Variants in SORCS1 observed in about 807,000 individuals in gnomAD.
The protein encoded by SORCS1 is sortilin related VPS10 domain containing receptor 1, also known as VPS10 domain-containing receptor SorCS1.
Under a neutral mutation model 146.1 loss-of-function variants are expected in SORCS1, and 60 were observed. The ratio of observed to expected loss-of-function variants is 0.41; its 90% confidence interval spans 0.33 to 0.51. SORCS1 has a LOEUF of 0.51. SORCS1 is among the 20% of genes least tolerant of loss of function. The probability of loss-of-function intolerance (pLI) is 0.21; values close to 1 mark genes in which losing one functional copy is unlikely to be tolerated. For missense variants in SORCS1, 1,352 were observed against 1,487.6 expected (o/e 0.91, Z 1.50); for synonymous variants, 637 against 584.0 (o/e 1.09, Z -1.31).
chr10:106,951,854 C>G (rs906512591), intron 2 of SORCS1, among the ~76,000 whole-genome samples: 1 of 152,088 alleles, frequency 6.6e-6, no homozygotes, highest in Non-Finnish European at 1.5e-5. Context: ...GTTTTCTGAG[C>G]ATAAAGTACT....
intron 2 of SORCS1, among the ~76,000 whole-genome samples, chr10:106,879,742 C>T (rs932622557): frequency 3.9e-5 from 6 of 152,306 alleles, no homozygotes; most frequent in African/African-American, 1.4e-4. Flanking sequence ...GAGCAGAGAA[C>T]AAGCCTTAGC....
intron 2 of SORCS1, among the ~76,000 whole-genome samples, chr10:106,928,663 C>A (rs2138553468): frequency 6.6e-6 from 1 of 152,300 alleles, no homozygotes; most frequent in African/African-American, 2.4e-5. Flanking sequence ...CTCTCAATAC[C>A]CCACAGAAGC....
At chr10:107,078,437 A>G (rs928899129) in intron 1 of SORCS1, among the ~76,000 whole-genome samples, 2 of 152,234 alleles carry the variant, frequency 1.3e-5, no homozygotes, top group Non-Finnish European at 1.5e-5. Context: ...TGGACACTCA[A>G]TTATAGGATC....
chr10:106,972,367 C>T (rs185273942), intron 1 of SORCS1, among the ~76,000 whole-genome samples: 1,995 of 137,958 alleles, frequency 0.014, 42 homozygotes, highest in African/African-American at 0.051. Flanking sequence ...GGTGACAGAG[C>T]GAGACTCTGT....
intron 1 of SORCS1, among the ~76,000 whole-genome samples, chr10:107,061,320 A>C (rs1468285598): frequency 6.6e-6 from 1 of 152,206 alleles, no homozygotes; most frequent in Non-Finnish European, 1.5e-5. Flanking sequence ...GTATGGTATC[A>C]TAACAAAAAA....
chr10:106,843,429 C>CTTTTTTTTTTTTTTT, intron 2 of SORCS1, among the ~76,000 whole-genome samples: 1 of 116,804 alleles, frequency 8.6e-6, no homozygotes, highest in Non-Finnish European at 1.6e-5. Context: ...GCAGGATTTC[C>CTTTTTTTTTTTTTTT]TTTTTTTTTT....
chr10:106,681,620 G>A (rs1264590246), intron 10 of SORCS1, among the ~76,000 whole-genome samples: 7 of 152,130 alleles, frequency 4.6e-5, no homozygotes, highest in Non-Finnish European at 8.8e-5. Flanking sequence ...CATCTGTATG[G>A]CATTCCAAGA....
intron 14 of SORCS1, among the ~76,000 whole-genome samples, 170 bp from the exon 15 acceptor site, chr10:106,673,155 C>CA (rs1383878813): frequency 2.2e-5 from 3 of 138,694 alleles, no homozygotes; most frequent in African/African-American, 5.5e-5. Flanking sequence ...TTTTTTGAGA[C>CA]AGAGTCTCGC....
intron 1 of SORCS1, among the ~76,000 whole-genome samples, chr10:106,958,791 G>A (rs533195131): frequency 6.6e-6 from 1 of 152,286 alleles, no homozygotes; most frequent in South Asian, 2.1e-4. Flanking sequence ...TGCCAATTAA[G>A]TCGCTCTCAG....
chr10:106,990,780 T>C (rs376891286), intron 1 of SORCS1, among the ~76,000 whole-genome samples: 2 of 152,194 alleles, frequency 1.3e-5, no homozygotes, highest in African/African-American at 2.4e-5. Flanking sequence ...TTCTGAAAAA[T>C]TGTGAGTACA....
At chr10:106,610,903 A>T (rs1164170782) in intron 22 of SORCS1, among the ~76,000 whole-genome samples, 1 of 152,032 alleles carries the variant, frequency 6.6e-6, no homozygotes, top group African/African-American at 2.4e-5. Flanking sequence ...ACATGGTGAC[A>T]CCCGTCTCTA....
chr10:107,101,187 T>A (rs1465670462), intron 1 of SORCS1, among the ~76,000 whole-genome samples: 2 of 152,134 alleles, frequency 1.3e-5, no homozygotes, highest in Non-Finnish European at 2.9e-5. Context: ...GCCTCCCAAG[T>A]AGCCTGCCAC....
At chr10:106,751,878 C>T (rs1004204656) in intron 5 of SORCS1, among the ~76,000 whole-genome samples, 14 of 152,086 alleles carry the variant, frequency 9.2e-5, no homozygotes, top group African/African-American at 2.9e-4. Context: ...TACTGTAGTA[C>T]ACAAGATAGA....
intron 1 of SORCS1, among the ~76,000 whole-genome samples, chr10:106,995,797 C>T (rs1317236853): frequency 6.6e-6 from 1 of 151,690 alleles, no homozygotes; most frequent in Non-Finnish European, 1.5e-5. Context: ...TAAAAAAAAA[C>T]AAAATCATGA....
chr10:106,726,377 A>C (rs921580689), intron 6 of SORCS1, among the ~76,000 whole-genome samples: 14 of 148,794 alleles, frequency 9.4e-5, no homozygotes, highest in Admixed American at 9.4e-4. Context: ...AAAAAAAAAA[A>C]AAAAAAAAAA....
chr10:106,968,745 C>T (rs1955629029), intron 1 of SORCS1, among the ~76,000 whole-genome samples: 1 of 152,076 alleles, frequency 6.6e-6, no homozygotes, highest in Non-Finnish European at 1.5e-5. Flanking sequence ...AGAATGCAAG[C>T]TTTTAACTTT....
chr10:106,747,563 A>G (rs901846844), intron 5 of SORCS1, among the ~76,000 whole-genome samples: 2 of 152,082 alleles, frequency 1.3e-5, no homozygotes, highest in Non-Finnish European at 2.9e-5. Context: ...TGCTCAGTCA[A>G]ATAAGTCAAC....
chr10:106,613,476 A>T (rs1342326240), intron 21 of SORCS1, among the ~76,000 whole-genome samples: 1 of 152,184 alleles, frequency 6.6e-6, no homozygotes, highest in Non-Finnish European at 1.5e-5. Flanking sequence ...GGAATGGTTC[A>T]GCCTTAGTAT....
chr10:106,666,617 T>C (rs982163375), intron 17 of SORCS1, among the ~76,000 whole-genome samples: 1 of 150,892 alleles, frequency 6.6e-6, no homozygotes, highest in African/African-American at 2.4e-5. Flanking sequence ...AGTGCAGTGG[T>C]GCAATCCCGG....
Sources: allele counts gnomAD v4.1 joint callset (sites outside exome capture counted in the v4.1 genomes callset), GRCh38; gene constraint gnomAD v4.1.1; transcripts MANE v1.5; gene names NCBI Gene and HGNC (gene_info 2026-07-23, HGNC 2026-07-21).